SMYD2: variants seen among roughly 807,000 people sequenced by gnomAD.
The protein encoded by SMYD2 is SET and MYND domain containing 2.
Under a neutral mutation model 59.1 loss-of-function variants are expected in SMYD2, and 53 were observed. The ratio of observed to expected loss-of-function variants is 0.90; its 90% CI spans 0.72 to 1.13. The LOEUF (loss-of-function observed/expected upper bound fraction) is 1.13. Among genes scored for constraint, SMYD2 ranks in the 50% most tolerant of loss-of-function variants. SMYD2 has a pLI of 0.00. For synonymous variants in SMYD2, 208 were observed against 198.8 expected, an observed-to-expected ratio of 1.05 and a Z score of -0.39; for missense variants, 494 against 544.7, an observed-to-expected ratio of 0.91 and a Z score of 0.93.
intron 6 of SMYD2, 81 bp downstream of exon 6, chr1:214,324,789 A>T: frequency 8.0e-7 from 1 of 1,252,496 alleles, no homozygotes; most frequent in South Asian, 1.3e-5. Flanking sequence ...TAAATAACCC[A>T]CCTAACTGCA....
intron 1 of SMYD2, among the ~76,000 whole-genome samples, chr1:214,290,669 CT>C (rs1656621736): frequency 1.3e-5 from 2 of 152,236 alleles, no homozygotes; most frequent in South Asian, 4.2e-4. Flanking sequence ...TCACACAGGG[CT>C]TGAAGACCTG....
intron 1 of SMYD2, among the ~76,000 whole-genome samples, chr1:214,285,935 A>G (rs575399515): frequency 3.3e-4 from 50 of 152,358 alleles, no homozygotes; most frequent in African/African-American, 1.1e-3. Flanking sequence ...TGTGTATCCA[A>G]ACATATCTAA....
chr1:214,308,216 C>G (rs1289070400), intron 2 of SMYD2, among the ~76,000 whole-genome samples: 1 of 152,216 alleles, frequency 6.6e-6, no homozygotes, highest in Non-Finnish European at 1.5e-5. Context: ...TCTCTTGTTT[C>G]TAGAGGTGGC....
intron 5 of SMYD2, among the ~76,000 whole-genome samples, chr1:214,320,558 C>T (rs893587182): frequency 1.3e-5 from 2 of 152,086 alleles, no homozygotes; most frequent in Admixed American, 6.6e-5. Flanking sequence ...CCCAAGAGTT[C>T]GAGGCTGCAG....
intron 1 of SMYD2, among the ~76,000 whole-genome samples, chr1:214,293,223 T>G (rs1005671044): frequency 2.0e-5 from 3 of 152,098 alleles, no homozygotes; most frequent in Non-Finnish European, 4.4e-5. Flanking sequence ...TGGCTAATTT[T>G]TATATTTTTT....
In SMYD2 at chr1:214,308,312, C is replaced by G. The variant is rs11800681; in HGVS notation, c.237+3062C>G. On this transcript the variant is annotated intron_variant, in intron 2 of 11. Coordinates refer to ENST00000366957, the MANE Select transcript of SMYD2 (RefSeq NM_020197.3). ...AAGGCTAATGACCATTAAGGTTTTT[C>G]ATCCTTTAGTACTGAAGAACTAAAT... Among the ~76,000 whole-genome samples, 1,109 of 152,292 alleles carry G rather than the reference C, an allele frequency of 7.3e-3. 20 individuals are homozygous for G. The highest frequency in any genetic ancestry group is 0.025 in the African/African-American group (1,048 of 41,548).
At chr1:214,296,143 G>A (rs1172905557) in intron 1 of SMYD2, among the ~76,000 whole-genome samples, 2 of 152,232 alleles carry the variant, frequency 1.3e-5, no homozygotes, top group African/African-American at 4.8e-5. Context: ...AAAGTAGGGA[G>A]CTTACAGAAT....
chr1:214,330,221 G>GT lies in SMYD2; in HGVS notation c.761dup (p.Leu254PhefsTer10), dbSNP rs1433581078. 23 of 1,613,336 alleles carry GT rather than the reference G, an allele frequency of 1.4e-5. No homozygotes were observed. The highest frequency in any genetic ancestry group is 1.8e-5 in the Non-Finnish European group (21 of 1,179,606). On this transcript the variant is annotated frameshift_variant, in exon 8 of 12. Coordinates refer to ENST00000366957, the MANE Select transcript of SMYD2 (RefSeq NM_020197.3). LOFTEE classifies it high-confidence loss of function. ...ACCCAACGGAAGATAGAAATGACCGGTTAAGAGATTCTTATTTCTTTACCT... is the reference window on the plus strand; with the variant it reads ...ACCCAACGGAAGATAGAAATGACCGGTTTAAGAGATTCTTATTTCTTTACCT...
chr1:214,317,222 A>G (rs1657101205), intron 3 of SMYD2, among the ~76,000 whole-genome samples: 1 of 152,204 alleles, frequency 6.6e-6, no homozygotes, highest in Admixed American at 6.5e-5. Context: ...AGCTTCATTC[A>G]AGTTTTATTA....
Position 214,299,830 on chromosome 1 carries a change from T to C in SMYD2, c.174-5357T>C, listed in dbSNP as rs376255675. ...ACCGTGTTAGCCAGGATGGTCTTGA[T>C]CTCCTGACCTCGTGATCTCCCCTCC... On this transcript the variant is annotated intron_variant, in intron 1 of 11. Coordinates refer to ENST00000366957, the MANE Select transcript of SMYD2 (RefSeq NM_020197.3). Among the ~76,000 whole-genome samples the C allele has an allele frequency of 4.3e-4, 66 of 152,206 alleles. 1 individual carries two copies. The highest frequency in any genetic ancestry group is 3.9e-3 in the East Asian group (20 of 5,154).
At chr1:214,293,763 G>T (rs150670224) in intron 1 of SMYD2, among the ~76,000 whole-genome samples, 1 of 151,926 alleles carries the variant, frequency 6.6e-6, no homozygotes, top group Non-Finnish European at 1.5e-5. Context: ...TGCAACCTCC[G>T]CCTCCCAGGT....
intron 2 of SMYD2, among the ~76,000 whole-genome samples, chr1:214,308,871 T>G (rs770743735): frequency 3.9e-5 from 6 of 152,152 alleles, no homozygotes; most frequent in Non-Finnish European, 5.9e-5. Flanking sequence ...AGTAGTGTGC[T>G]TGGGAGAAGT....
intron 11 of SMYD2, among the ~76,000 whole-genome samples, chr1:214,336,300 A>G (rs917658567): frequency 2.6e-5 from 4 of 152,222 alleles, no homozygotes; most frequent in Non-Finnish European, 5.9e-5. Context: ...TGAGAGGCCA[A>G]GGCGGGCGGA....
intron 2 of SMYD2, among the ~76,000 whole-genome samples, chr1:214,306,270 A>AT (rs201028036): frequency 0.012 from 1,770 of 149,090 alleles, 42 homozygotes; most frequent in African/African-American, 0.041. Flanking sequence ...CCACTATTTC[A>AT]TTTTTTTTTC....
Position 214,330,254 on chromosome 1 carries a change from C to T in SMYD2, c.792C>T (p.Cys264=). 6.2e-7 allele frequency: 1 copy of T among 1,612,584 alleles called. No homozygotes were observed. Among genetic ancestry groups the T allele is most frequent in the Non-Finnish European group, 8.5e-7 (1 of 1,178,940 alleles). ...ATTCTTATTTCTTTACCTGTGAGTGCCAGGAGTGTACCACCAAGGACAAGG... is the reference window on the plus strand; with the variant it reads ...ATTCTTATTTCTTTACCTGTGAGTGTCAGGAGTGTACCACCAAGGACAAGG... ...LRDSYFFTCE[C]QECTTKDKDK... is the part of the protein sequence containing the mutation. Residue 264 remains cysteine (C), a synonymous_variant, in exon 8 of 12, where the codon TGC becomes TGT. Transcript: ENST00000366957.
chr1:214,287,384 T>G (rs988235798), intron 1 of SMYD2, among the ~76,000 whole-genome samples: 21 of 151,576 alleles, frequency 1.4e-4, no homozygotes, highest in Admixed American at 7.9e-4. Flanking sequence ...GTCAGGAGTT[T>G]GAGACCAGCC....
At chr1:214,326,066 C>T (rs1028043404) in intron 6 of SMYD2, among the ~76,000 whole-genome samples, 5 of 151,698 alleles carry the variant, frequency 3.3e-5, no homozygotes, top group South Asian at 2.1e-4. Flanking sequence ...GGTGAAACCC[C>T]GTCTCTACTA....
chr1:214,307,056 C>T (rs1337420985), intron 2 of SMYD2, among the ~76,000 whole-genome samples: 5 of 152,170 alleles, frequency 3.3e-5, no homozygotes, highest in African/African-American at 1.2e-4. Context: ...GCCTGTAATC[C>T]CAGCTACTCT....
chr1:214,299,462 AC>A, intron 1 of SMYD2, among the ~76,000 whole-genome samples: 1 of 33,186 alleles, frequency 3.0e-5, no homozygotes, highest in Non-Finnish European at 5.1e-5. Context: ...GATAAAGAAA[AC>A]ATTATATATA....
Sources: allele counts gnomAD v4.1 joint callset (sites outside exome capture counted in the v4.1 genomes callset), GRCh38; gene constraint gnomAD v4.1.1; transcripts MANE v1.5; gene names NCBI Gene and HGNC (gene_info 2026-07-23, HGNC 2026-07-21).